The following UGGT2 variants were observed in gnomAD, a reference collection of about 807,000 sequenced individuals.
UGGT2 encodes UDP-glucose:glycoprotein glucosyltransferase 2.
Under a neutral mutation model 192.1 loss-of-function variants are expected in UGGT2, and 180 were observed. That is an observed-to-expected ratio of 0.94 (90% CI 0.83 to 1.06). The LOEUF (loss-of-function observed/expected upper bound fraction) is 1.06. Among genes scored for constraint, UGGT2 ranks in the 50% least tolerant of loss-of-function variants. UGGT2 has a pLI of 0.00. For synonymous variants in UGGT2, 580 were observed against 591.0 expected, an observed-to-expected ratio of 0.98 and a Z score of 0.27; for missense variants, 1,849 against 1,795.7, an observed-to-expected ratio of 1.03 and a Z score of -0.54.
At chr13:96,052,539 G>T (rs1419669240) in intron 1 of UGGT2, among the ~76,000 whole-genome samples, 1 of 152,102 alleles carries the variant, frequency 6.6e-6, no homozygotes, top group East Asian at 1.9e-4. Context: ...CTCTTTTTAG[G>T]GACACACACT....
rs922617972 is a variant in UGGT2, at chr13:95,909,073, G to A, written c.2296-6013C>T. ...CTAGGTTTTCTTGTAGGGTTTTTATGGTTTTAGGTCTAACGTTTAAGTCTT... is the reference window on the plus strand; with the variant it reads ...CTAGGTTTTCTTGTAGGGTTTTTATAGTTTTAGGTCTAACGTTTAAGTCTT... On this transcript the variant is annotated intron_variant, in intron 20 of 38. Coordinates refer to ENST00000376747, the MANE Select transcript of UGGT2 (RefSeq NM_020121.4). Among the ~76,000 whole-genome samples, 68 of 151,924 alleles carry A rather than the reference G, an allele frequency of 4.5e-4. No individual in the cohort carries two copies. In the East Asian group the frequency reaches 7.7e-3, roughly 17 times the overall value.
intron 1 of UGGT2, among the ~76,000 whole-genome samples, chr13:96,037,956 C>G (rs1424314514): frequency 1.3e-5 from 2 of 152,162 alleles, no homozygotes; most frequent in Non-Finnish European, 2.9e-5. Context: ...CACACAGAAA[C>G]AGATTTGGTT....
At chr13:95,856,126 G>A (rs371270416) in intron 34 of UGGT2, 32 bp downstream of exon 34, 249 of 1,535,698 alleles carry the variant, frequency 1.6e-4, no homozygotes, top group Non-Finnish European at 1.7e-4. Flanking sequence ...AAATGTTTGC[G>A]TATTACTAAA....
At chr13:96,006,494 G>A (rs573052941) in intron 5 of UGGT2, among the ~76,000 whole-genome samples, 189 of 151,914 alleles carry the variant, frequency 1.2e-3, no homozygotes, top group Middle Eastern at 3.4e-3. Context: ...GCATGGTGGT[G>A]TGTGCCTGTA....
At chr13:95,802,511 G>A (rs937268366) in intron 38 of UGGT2, among the ~76,000 whole-genome samples, 18 of 152,200 alleles carry the variant, frequency 1.2e-4, no homozygotes, top group Admixed American at 9.8e-4. Context: ...TAATGAGAAC[G>A]AGGGAAGTGG....
chr13:95,866,880 C>T (rs902480163), intron 30 of UGGT2, among the ~76,000 whole-genome samples: 3 of 151,962 alleles, frequency 2.0e-5, no homozygotes, highest in African/African-American at 4.8e-5. Context: ...TATTATTCTC[C>T]GTTCCTCATT....
chr13:95,845,497 A>C (rs1270538945), intron 36 of UGGT2, among the ~76,000 whole-genome samples: 1 of 151,422 alleles, frequency 6.6e-6, no homozygotes, highest in African/African-American at 2.4e-5. Context: ...GTAAGGTTAT[A>C]GATTAACAGC....
chr13:95,840,901 G>A (rs1264925102), intron 36 of UGGT2, among the ~76,000 whole-genome samples: 1 of 152,164 alleles, frequency 6.6e-6, no homozygotes, highest in Non-Finnish European at 1.5e-5. Context: ...GTCCTTTGCA[G>A]GATATGGATG....
intron 2 of UGGT2, among the ~76,000 whole-genome samples, chr13:96,027,976 C>T (rs1398084251): frequency 6.6e-6 from 1 of 152,202 alleles, no homozygotes; most frequent in Non-Finnish European, 1.5e-5. Flanking sequence ...ATTTCAGCTA[C>T]CACTACAGGT....
chr13:95,807,321 A>AG (rs1291756379), intron 38 of UGGT2, among the ~76,000 whole-genome samples: 1 of 152,166 alleles, frequency 6.6e-6, no homozygotes, highest in Non-Finnish European at 1.5e-5. Flanking sequence ...CTCAGGTGGC[A>AG]GAAGTGGAAG....
Position 96,023,137 on chromosome 13 carries a change from G to T in UGGT2, c.388C>A (p.Pro130Thr), listed in dbSNP as rs2052563347. 6.3e-7 allele frequency: 1 copy of T among 1,581,710 alleles called. No individual in the cohort carries two copies. ...QMFQQIAADE[P>T]PPDGCNAFVV... ...AATGCATTACAACCATCTGGTGGTGGCTCATCAGCTGCAATCTAAGATTTC... is the reference window on the plus strand; with the variant it reads ...AATGCATTACAACCATCTGGTGGTGTCTCATCAGCTGCAATCTAAGATTTC... Residue 130 changes from proline (P) to threonine (T), a missense_variant, in exon 4 of 39, where the codon CCA (proline) becomes ACA (threonine). Physicochemically the swap from Pro to Thr is conservative, Grantham distance 38 (BLOSUM62 -1). Coordinates refer to ENST00000376747, the MANE Select transcript of UGGT2 (RefSeq NM_020121.4).
intron 12 of UGGT2, among the ~76,000 whole-genome samples, chr13:95,955,362 A>G (rs1349185617): frequency 1.3e-5 from 2 of 152,168 alleles, no homozygotes; most frequent in Admixed American, 1.3e-4. Flanking sequence ...ATAGGCCAAA[A>G]AGGTAAAAAA....
intron 9 of UGGT2, among the ~76,000 whole-genome samples, chr13:95,984,687 A>G (rs1038044241): frequency 3.3e-5 from 5 of 152,194 alleles, no homozygotes; most frequent in African/African-American, 1.2e-4. Flanking sequence ...AGAAGTGTTC[A>G]AAATACAGTT....
intron 12 of UGGT2, among the ~76,000 whole-genome samples, chr13:95,968,245 T>A (rs2050652296): frequency 6.6e-6 from 1 of 152,048 alleles, no homozygotes; most frequent in Non-Finnish European, 1.5e-5. Context: ...GACATAATGG[T>A]AAGAGAAAAA....
intron 5 of UGGT2, among the ~76,000 whole-genome samples, 181 bp from the exon 6 acceptor site, chr13:95,999,488 G>GACTACTCT (rs2051729987): frequency 6.6e-6 from 1 of 152,000 alleles, no homozygotes; most frequent in Non-Finnish European, 1.5e-5. Flanking sequence ...ACTAGAATTT[G>GACTACTCT]GTTAATGACT....
intron 10 of UGGT2, among the ~76,000 whole-genome samples, chr13:95,982,428 G>A (rs1169482492): frequency 6.6e-6 from 1 of 152,180 alleles, no homozygotes; most frequent in Non-Finnish European, 1.5e-5. Context: ...CACATGTACA[G>A]TAAGAAGCAG....
At chr13:95,834,060 G>A (rs1887010499) in intron 37 of UGGT2, among the ~76,000 whole-genome samples, 1 of 152,082 alleles carries the variant, frequency 6.6e-6, no homozygotes, top group Non-Finnish European at 1.5e-5. Context: ...TATTCCTGAG[G>A]TAAGTGGACA....
At chr13:95,868,883 GT>G (rs759743026) in intron 29 of UGGT2, among the ~76,000 whole-genome samples, 10 of 148,196 alleles carry the variant, frequency 6.7e-5, no homozygotes, top group African/African-American at 1.7e-4. Context: ...TTCAGGCACT[GT>G]TTTTTTTTTA....
chr13:95,918,164 A>G (rs962226710), intron 20 of UGGT2, among the ~76,000 whole-genome samples: 13 of 152,224 alleles, frequency 8.5e-5, no homozygotes, highest in Admixed American at 2.0e-4. Context: ...CAAATGCAAA[A>G]TAAGTGAAAT....
Sources: gnomAD v4.1 joint callset for allele counts (sites outside exome capture counted in the v4.1 genomes callset) on GRCh38, gnomAD v4.1.1 for gene constraint, MANE v1.5 for transcripts, NCBI Gene and HGNC (gene_info 2026-07-23, HGNC 2026-07-21) for gene names.